The following RC3H1 variants were observed in gnomAD, a reference collection of about 807,000 sequenced individuals.
RC3H1 encodes the protein ring finger and CCCH-type domains 1.
In RC3H1, 50 loss-of-function variants were observed where a neutral mutation model predicts 138.2. The observed-to-expected ratio is 0.36, with a 90% confidence interval of 0.29 to 0.46. RC3H1 has a LOEUF of 0.46. Among genes scored for constraint, RC3H1 ranks in the 20% least tolerant of loss-of-function variants. The pLI is 1.00. For synonymous variants in RC3H1, 462 were observed against 489.1 expected, an observed-to-expected ratio of 0.94 and a Z score of 0.73; for missense variants, 1,031 against 1,388.1, an observed-to-expected ratio of 0.74 and a Z score of 4.09.
In RC3H1 at chr1:173,983,437, T is replaced by C; in HGVS notation, c.573A>G (p.Gly191=). The part of the protein sequence containing the change: ...SNLWAAVRAR[G]CQFLGPAMQE... ...ATGTACCTGGTCCAAGGAACTGGCA[T>C]CCCCTAGCCCTTACTGCTGCCCAAA... Residue 191 remains glycine (G), a synonymous_variant, in exon 4 of 20, where the codon GGA becomes GGG. Transcript: ENST00000367696. The C allele has an allele frequency of 3.1e-6, 5 of 1,614,186 alleles. No individual in the cohort carries two copies. The highest frequency in any genetic ancestry group is 2.5e-6 in the Non-Finnish European group (3 of 1,180,020).
chr1:173,967,598 C>G (rs573148101), intron 9 of RC3H1, among the ~76,000 whole-genome samples: 1 of 152,260 alleles, frequency 6.6e-6, no homozygotes, highest in Non-Finnish European at 1.5e-5. Flanking sequence ...AACATAGTTT[C>G]ACAGGATAAT....
chr1:174,010,450 T>C (rs1436534424), intron 1 of RC3H1, among the ~76,000 whole-genome samples: 3 of 152,192 alleles, frequency 2.0e-5, no homozygotes, highest in African/African-American at 7.2e-5. Flanking sequence ...GGTCTCACTC[T>C]GTCACCCAGG....
chr1:173,942,746 C>T (rs1178483987), intron 18 of RC3H1, among the ~76,000 whole-genome samples: 1 of 151,720 alleles, frequency 6.6e-6, no homozygotes, highest in Non-Finnish European at 1.5e-5. Flanking sequence ...AGGAGAATGG[C>T]GTGAACCCGG....
At chr1:173,987,419 A>G (rs554495731) in intron 2 of RC3H1, among the ~76,000 whole-genome samples, 1 of 152,328 alleles carries the variant, frequency 6.6e-6, no homozygotes, top group South Asian at 2.1e-4. Context: ...AGCTTTGGCC[A>G]TTGAGAGCTC....
intron 7 of RC3H1, among the ~76,000 whole-genome samples, chr1:173,972,961 A>G (rs1304445435): frequency 1.3e-5 from 2 of 152,254 alleles, no homozygotes; most frequent in Admixed American, 6.5e-5. Context: ...CATGTCCCTC[A>G]TCTAAGAGTA....
At chr1:173,978,450 C>A in intron 7 of RC3H1, 38 bp downstream of exon 7, 3 of 1,598,794 alleles carry the variant, frequency 1.9e-6, no homozygotes, top group Non-Finnish European at 2.6e-6. Context: ...GCACGAAAGG[C>A]ACATATAAGA....
chr1:173,949,406 T>C (rs1659286664), intron 14 of RC3H1, among the ~76,000 whole-genome samples: 1 of 151,876 alleles, frequency 6.6e-6, no homozygotes, highest in African/African-American at 2.4e-5. Flanking sequence ...TCTCACTCTG[T>C]TGTCTAGGCT....
intron 1 of RC3H1, among the ~76,000 whole-genome samples, chr1:173,994,435 T>G (rs1318106290): frequency 2.0e-5 from 3 of 152,066 alleles, no homozygotes; most frequent in African/African-American, 7.2e-5. Context: ...TAAGAATATT[T>G]TAAAAGTAGA....
intron 1 of RC3H1, among the ~76,000 whole-genome samples, chr1:173,995,400 G>A (rs1661438140): frequency 6.6e-6 from 1 of 151,934 alleles, no homozygotes; most frequent in Non-Finnish European, 1.5e-5. Context: ...AGGCATGGGG[G>A]CACAATGCAT....
intron 13 of RC3H1, among the ~76,000 whole-genome samples, chr1:173,958,520 TG>T: frequency 6.6e-6 from 1 of 151,308 alleles, no homozygotes; most frequent in African/African-American, 2.4e-5. Flanking sequence ...CACTCCAGCC[TG>T]GGCGACAGAG....
At chr1:173,942,522 T>C (rs1310965745) in intron 18 of RC3H1, among the ~76,000 whole-genome samples, 1 of 150,656 alleles carries the variant, frequency 6.6e-6, no homozygotes, top group African/African-American at 2.4e-5. Context: ...GCATGCTCAA[T>C]TTATTTGCTT....
chr1:174,015,237 A>G (rs1490532584), intron 1 of RC3H1, among the ~76,000 whole-genome samples: 2 of 149,964 alleles, frequency 1.3e-5, no homozygotes, highest in Non-Finnish European at 1.5e-5. Flanking sequence ...AATTTTTCTG[A>G]TAATTATAGG....
At chr1:173,999,328 C>T (rs1661518831) in intron 1 of RC3H1, among the ~76,000 whole-genome samples, 1 of 149,928 alleles carries the variant, frequency 6.7e-6, no homozygotes, top group Non-Finnish European at 1.5e-5. Flanking sequence ...TGCGGTGAGC[C>T]GAGATCGTGC....
chr1:173,987,420 T>C (rs1661074610), intron 2 of RC3H1, among the ~76,000 whole-genome samples: 1 of 152,232 alleles, frequency 6.6e-6, no homozygotes, highest in Non-Finnish European at 1.5e-5. Flanking sequence ...GCTTTGGCCA[T>C]TGAGAGCTCT....
intron 13 of RC3H1, among the ~76,000 whole-genome samples, chr1:173,952,823 A>G (rs1474833464): frequency 3.9e-5 from 6 of 152,178 alleles, no homozygotes; most frequent in Non-Finnish European, 7.4e-5. Flanking sequence ...AATGTTTTAC[A>G]TTTTCAAAGT....
At chr1:173,942,884 T>C (rs1374839617) in intron 18 of RC3H1, among the ~76,000 whole-genome samples, 1 of 151,914 alleles carries the variant, frequency 6.6e-6, no homozygotes, top group African/African-American at 2.4e-5. Flanking sequence ...TCATGCAACC[T>C]GAGGAAGCCC....
chr1:173,964,776 T>G, intron 10 of RC3H1, 63 bp downstream of exon 10: 1 of 1,389,378 alleles, frequency 7.2e-7, no homozygotes, highest in Non-Finnish European at 9.8e-7. Context: ...ACATTAATTA[T>G]TCTATCTTCC....
chr1:173,985,337 T>C (rs1248882457), intron 2 of RC3H1, among the ~76,000 whole-genome samples: 1 of 152,332 alleles, frequency 6.6e-6, no homozygotes, highest in East Asian at 1.9e-4. Flanking sequence ...AGTCTGTATT[T>C]AACCTTTTGA....
intron 2 of RC3H1, among the ~76,000 whole-genome samples, chr1:173,989,725 T>G (rs1661186290): frequency 7.2e-6 from 1 of 139,524 alleles, no homozygotes. Flanking sequence ...TTTTTTTTTT[T>G]TTTTTTTTTT....
Sources: gnomAD v4.1 joint callset for allele counts (sites outside exome capture counted in the v4.1 genomes callset) on GRCh38, gnomAD v4.1.1 for gene constraint, MANE v1.5 for transcripts, NCBI Gene and HGNC (gene_info 2026-07-23, HGNC 2026-07-21) for gene names.